The following RAPGEF4 variants were observed in gnomAD, a reference collection of about 807,000 sequenced individuals.
RAPGEF4 encodes RAP guanine-nucleotide-exchange factor (GEF) 4.
In RAPGEF4, 66 loss-of-function variants were observed where a neutral mutation model predicts 147.9. The observed-to-expected ratio is 0.45, with a 90% CI of 0.37 to 0.55. The LOEUF (loss-of-function observed/expected upper bound fraction) is 0.55. Among genes scored for constraint, RAPGEF4 ranks in the 20% least tolerant of loss-of-function variants. The pLI is 0.00. For missense variants in RAPGEF4, 1,071 were observed against 1,257.3 expected (o/e 0.85, Z 2.24); for synonymous variants, 419 against 442.7 (o/e 0.95, Z 0.67).
At chr2:172,986,698 C>CCTTTTTTTT (rs761936646) in intron 12 of RAPGEF4, among the ~76,000 whole-genome samples, 1 of 100,340 alleles carries the variant, frequency 1.0e-5, no homozygotes, top group Admixed American at 1.1e-4. Flanking sequence ...TTCATATTTT[C>CCTTTTTTTT]TTTTTTTTTT....
intron 4 of RAPGEF4, among the ~76,000 whole-genome samples, chr2:172,891,375 C>T (rs1411434014): frequency 6.6e-5 from 10 of 152,128 alleles, no homozygotes; most frequent in African/African-American, 2.4e-5. Flanking sequence ...TCTGATTTAA[C>T]TCAATCTCTC....
chr2:172,740,315 G>T (rs890861591), intron 1 of RAPGEF4, among the ~76,000 whole-genome samples: 18 of 152,216 alleles, frequency 1.2e-4, no homozygotes, highest in Non-Finnish European at 2.4e-4. Context: ...TTGGAGAAAG[G>T]TTCTCAGTTG....
chr2:172,832,512 A>G (rs990630707), intron 4 of RAPGEF4, among the ~76,000 whole-genome samples: 2 of 152,164 alleles, frequency 1.3e-5, no homozygotes, highest in East Asian at 1.9e-4. Flanking sequence ...GTAAAGAAAA[A>G]CCCACATTTT....
intron 4 of RAPGEF4, among the ~76,000 whole-genome samples, chr2:172,915,558 G>C (rs1003140784): frequency 6.6e-6 from 1 of 151,930 alleles, no homozygotes; most frequent in Non-Finnish European, 1.5e-5. Context: ...AATTAGCCAG[G>C]CATGGTGGTG....
chr2:172,745,413 G>A (rs757675649), intron 1 of RAPGEF4, among the ~76,000 whole-genome samples: 3 of 150,444 alleles, frequency 2.0e-5, no homozygotes, highest in Non-Finnish European at 4.4e-5. Context: ...GATATGTAGT[G>A]TTGTTCTGTC....
At chr2:172,739,819 C>T (rs939166485) in intron 1 of RAPGEF4, among the ~76,000 whole-genome samples, 2 of 152,142 alleles carry the variant, frequency 1.3e-5, no homozygotes, top group East Asian at 1.9e-4. Flanking sequence ...TGTAGTATAG[C>T]GACTCATTGC....
At chr2:172,742,069 G>T (rs1344976941) in intron 1 of RAPGEF4, among the ~76,000 whole-genome samples, 1 of 151,886 alleles carries the variant, frequency 6.6e-6, no homozygotes, top group Non-Finnish European at 1.5e-5. Context: ...ACTCCCCCCA[G>T]GATTATTTTC....
At chr2:172,828,990 C>T (rs950770988) in intron 4 of RAPGEF4, among the ~76,000 whole-genome samples, 1 of 152,166 alleles carries the variant, frequency 6.6e-6, no homozygotes, top group African/African-American at 2.4e-5. Flanking sequence ...TGGTGTTGAA[C>T]CTGAGATCAG....
At chr2:172,838,001 G>A (rs1691149686) in intron 4 of RAPGEF4, among the ~76,000 whole-genome samples, 1 of 152,166 alleles carries the variant, frequency 6.6e-6, no homozygotes, top group Non-Finnish European at 1.5e-5. Context: ...TACTGTGTTG[G>A]TCATGCTTCT....
At chr2:172,844,067 A>C (rs72900243) in intron 4 of RAPGEF4, among the ~76,000 whole-genome samples, 2,528 of 152,336 alleles carry the variant, frequency 0.017, 25 homozygotes, top group South Asian at 0.034. Flanking sequence ...GAAGCTGAAT[A>C]TTTGATTTGG....
At chr2:172,961,918 A>G (rs1279752710) in intron 8 of RAPGEF4, among the ~76,000 whole-genome samples, 2 of 152,236 alleles carry the variant, frequency 1.3e-5, no homozygotes, top group African/African-American at 4.8e-5. Context: ...CGTAGCATGC[A>G]TACAGTAGGA....
intron 10 of RAPGEF4, among the ~76,000 whole-genome samples, chr2:172,975,953 A>G (rs1691015725): frequency 6.6e-6 from 1 of 151,664 alleles, no homozygotes; most frequent in Non-Finnish European, 1.5e-5. Flanking sequence ...CAGTTTCTAA[A>G]TGTGATCAAA....
chr2:172,871,493 C>T (rs1368829902), intron 4 of RAPGEF4, among the ~76,000 whole-genome samples: 1 of 152,126 alleles, frequency 6.6e-6, no homozygotes, highest in Non-Finnish European at 1.5e-5. Flanking sequence ...CAGCCTCTGA[C>T]ACATTTTATA....
chr2:172,790,081 A>G (rs1685644008), intron 1 of RAPGEF4, among the ~76,000 whole-genome samples: 1 of 152,186 alleles, frequency 6.6e-6, no homozygotes, highest in East Asian at 1.9e-4. Flanking sequence ...ACTGACCAAC[A>G]GTGTGCAAAG....
chr2:172,921,389 G>C (rs1036126108), intron 5 of RAPGEF4, among the ~76,000 whole-genome samples: 1 of 152,144 alleles, frequency 6.6e-6, no homozygotes, highest in African/African-American at 2.4e-5. Flanking sequence ...CATCCAGCTA[G>C]CACTCAGTTC....
chr2:173,017,318 A>G, intron 20 of RAPGEF4, 108 bp from the exon 21 acceptor site: 1 of 1,477,010 alleles, frequency 6.8e-7, no homozygotes. Flanking sequence ...CGTGAAATAT[A>G]TTGTCTTCAT....
intron 14 of RAPGEF4, among the ~76,000 whole-genome samples, 157 bp downstream of exon 14, chr2:172,988,996 T>C (rs923655691): frequency 1.3e-5 from 2 of 152,256 alleles, no homozygotes; most frequent in African/African-American, 4.8e-5. Flanking sequence ...TTTAATGTGT[T>C]GGTATGCATT....
chr2:173,017,302 T>G, intron 20 of RAPGEF4, 98 bp downstream of exon 20: 1 of 1,498,168 alleles, frequency 6.7e-7, no homozygotes, highest in Non-Finnish European at 9.3e-7. Flanking sequence ...ATTTCTTTTT[T>G]GTAGACGTGA....
At chr2:172,830,858 G>C (rs1690222241) in intron 4 of RAPGEF4, among the ~76,000 whole-genome samples, 1 of 152,054 alleles carries the variant, frequency 6.6e-6, no homozygotes, top group African/African-American at 2.4e-5. Context: ...AATTCCAAAA[G>C]TACAACAGGG....
Sources: gnomAD v4.1 joint callset for allele counts (sites outside exome capture counted in the v4.1 genomes callset) on GRCh38, gnomAD v4.1.1 for gene constraint, MANE v1.5 for transcripts, NCBI Gene and HGNC (gene_info 2026-07-23, HGNC 2026-07-21) for gene names.